OPCML: variants seen among roughly 807,000 people sequenced by gnomAD.
OPCML encodes the protein opioid binding protein/cell adhesion molecule like.
Under a neutral mutation model 37.8 loss-of-function variants are expected in OPCML, and 13 were observed. The observed-to-expected ratio is 0.34, with a 90% CI of 0.22 to 0.55. OPCML has a LOEUF of 0.55. OPCML is among the 20% of genes least tolerant of loss of function. The probability of loss-of-function intolerance (pLI) is 0.91; values close to 1 mark genes in which losing one functional copy is unlikely to be tolerated. For synonymous variants in OPCML, 176 were observed against 168.8 expected, an observed-to-expected ratio of 1.04 and a Z score of -0.33; for missense variants, 341 against 435.6, an observed-to-expected ratio of 0.78 and a Z score of 1.93.
intron 2 of OPCML, among the ~76,000 whole-genome samples, chr11:132,710,795 C>T (rs145748743): frequency 4.6e-5 from 7 of 151,710 alleles, no homozygotes; most frequent in South Asian, 4.2e-4. Flanking sequence ...GTGGAGGTTG[C>T]GGTGAGCTGA....
intron 4 of OPCML, among the ~76,000 whole-genome samples, chr11:132,523,118 G>A (rs994846774): frequency 2.0e-5 from 3 of 152,194 alleles, no homozygotes; most frequent in Non-Finnish European, 4.4e-5. Flanking sequence ...TGCTGGCCAA[G>A]CTGATCTTGA....
At chr11:132,810,139 A>G (rs1002060101) in intron 2 of OPCML, among the ~76,000 whole-genome samples, 12 of 151,908 alleles carry the variant, frequency 7.9e-5, no homozygotes, top group African/African-American at 1.2e-4. Context: ...GTGAGCCACC[A>G]CACCCAGCCT....
intron 3 of OPCML, among the ~76,000 whole-genome samples, chr11:132,539,612 G>A (rs1440904529): frequency 1.3e-5 from 2 of 152,084 alleles, no homozygotes; most frequent in Admixed American, 1.3e-4. Flanking sequence ...TGATGATGGT[G>A]ATAGTGATAA....
At chr11:132,869,982 T>C (rs949533891) in intron 2 of OPCML, among the ~76,000 whole-genome samples, 1 of 152,162 alleles carries the variant, frequency 6.6e-6, no homozygotes, top group African/African-American at 2.4e-5. Flanking sequence ...AGTGTAGAAA[T>C]CATAATTATT....
chr11:132,667,827 T>C (rs879536563), intron 2 of OPCML, among the ~76,000 whole-genome samples: 6 of 152,242 alleles, frequency 3.9e-5, no homozygotes, highest in Non-Finnish European at 7.3e-5. Context: ...GTGGGACTTA[T>C]AGGCTATGTT....
At chr11:132,816,684 A>G (rs899258789) in intron 2 of OPCML, among the ~76,000 whole-genome samples, 4 of 152,152 alleles carry the variant, frequency 2.6e-5, no homozygotes, top group African/African-American at 9.7e-5. Flanking sequence ...GAGTTCTGAG[A>G]GAGTTTTTGG....
rs574988835 is a variant in OPCML, at chr11:133,010,244, A to G, written c.62-67234T>C. Among the ~76,000 whole-genome samples the G allele has an allele frequency of 1.7e-4, 26 of 152,242 alleles. No individual in the cohort carries two copies. In the East Asian group the frequency reaches 3.9e-3, roughly 23 times the overall value. ...CCTTCTTTCTGCTCTTGCTGTGGCA[A>G]TCTACAAGAGGGCTGCCAGGGATCA... On this transcript the variant is annotated intron_variant, in intron 1 of 7. Transcript: ENST00000524381.
Position 133,126,668 on chromosome 11 carries a change from G to A in OPCML, c.62-183658C>T, listed in dbSNP as rs1592026664. On this transcript the variant is annotated intron_variant, in intron 1 of 7. Transcript: ENST00000524381. ...ACTCCTTCTGCCCAATCCCATATAA[G>A]CAGCCACTATTGATGTGTATCTTTC... 1.3e-5 allele frequency among the ~76,000 whole-genome samples: 2 copies of A among 152,048 alleles called. 1 individual carries two copies. The highest frequency in any genetic ancestry group is 2.9e-5 in the Non-Finnish European group (2 of 68,004).
intron 1 of OPCML, among the ~76,000 whole-genome samples, chr11:133,238,590 T>C (rs1301355422): frequency 6.6e-6 from 1 of 152,092 alleles, no homozygotes; most frequent in Non-Finnish European, 1.5e-5. Flanking sequence ...TGTGCTCCAG[T>C]GTCCTACCCA....
At chr11:133,044,012 T>C (rs76065670) in intron 1 of OPCML, among the ~76,000 whole-genome samples, 5 of 152,354 alleles carry the variant, frequency 3.3e-5, no homozygotes, top group Non-Finnish European at 5.9e-5. Context: ...TTGTGGCAGA[T>C]GCTGACATAT....
chr11:133,104,687 A>C (rs972512316), intron 1 of OPCML, among the ~76,000 whole-genome samples: 1 of 152,226 alleles, frequency 6.6e-6, no homozygotes, highest in Non-Finnish European at 1.5e-5. Context: ...TCTGGTGAAA[A>C]GGGCCTATAA....
At chr11:133,182,248 T>C (rs1277291816) in intron 1 of OPCML, among the ~76,000 whole-genome samples, 1 of 152,224 alleles carries the variant, frequency 6.6e-6, no homozygotes, top group Non-Finnish European at 1.5e-5. Flanking sequence ...GCTAATCTCT[T>C]GTAGCTGAAA....
rs555337218 is a variant in OPCML, at chr11:133,283,955, A to G, written c.61+248309T>C. 1.3e-3 allele frequency among the ~76,000 whole-genome samples: 194 copies of G among 152,056 alleles called. 1 individual carries two copies. The highest frequency in any genetic ancestry group is 4.5e-3 in the African/African-American group (186 of 41,400). ...ACTCTCCTGGATCGCTTCCCCCCCC[A>G]GTACCTAAAAGTCAAGCCCTAAAAC... is the stretch of plus-strand genomic sequence containing the variant. On this transcript the variant is annotated intron_variant, in intron 1 of 7. Coordinates refer to ENST00000524381, the MANE Select transcript of OPCML (RefSeq NM_001012393.5).
chr11:133,509,883 T>C (rs1211870757), intron 1 of OPCML, among the ~76,000 whole-genome samples: 4 of 152,146 alleles, frequency 2.6e-5, no homozygotes. Flanking sequence ...AGGCACCACC[T>C]CTGGGGTGTC....
intron 1 of OPCML, among the ~76,000 whole-genome samples, chr11:133,354,932 A>G (rs1011654036): frequency 2.6e-5 from 4 of 152,224 alleles, no homozygotes; most frequent in African/African-American, 9.6e-5. Flanking sequence ...ACTTTTAGGC[A>G]TCTGTAAAGA....
chr11:132,872,929 T>A (rs147661066), intron 2 of OPCML, among the ~76,000 whole-genome samples: 1 of 152,072 alleles, frequency 6.6e-6, no homozygotes, highest in Non-Finnish European at 1.5e-5. Context: ...TTCTTTCTTT[T>A]TTTTTTTCTG....
At chr11:133,397,173 G>A (rs572121320) in intron 1 of OPCML, among the ~76,000 whole-genome samples, 1 of 152,332 alleles carries the variant, frequency 6.6e-6, no homozygotes, top group East Asian at 1.9e-4. Context: ...TGAGTGGAGA[G>A]GGGATAAAAA....
At chr11:133,420,665 T>C in intron 1 of OPCML, 1 of 985,430 alleles carries the variant, frequency 1.0e-6, no homozygotes, top group Non-Finnish European at 1.2e-6. Context: ...TTGATTCTAA[T>C]CAGGAAGTTG....
At position 132,649,440 on chromosome 11, in the gene OPCML, G is replaced by A. The variant is rs752077719; in HGVS notation, c.379+7647C>T. ...TGAGAAACACAGTAGTCTGAGAGCC[G>A]GGATAGGACCACGGCATGGTGGGGT... On this transcript the variant is annotated intron_variant, in intron 3 of 7. Transcript: ENST00000524381. Among the ~76,000 whole-genome samples the A allele has an allele frequency of 2.2e-4, 33 of 152,124 alleles. 1 individual carries two copies. The highest frequency in any genetic ancestry group is 3.7e-4 in the Non-Finnish European group (25 of 68,030).
Sources: gnomAD v4.1 joint callset for allele counts (sites outside exome capture counted in the v4.1 genomes callset) on GRCh38, gnomAD v4.1.1 for gene constraint, MANE v1.5 for transcripts, NCBI Gene and HGNC (gene_info 2026-07-23, HGNC 2026-07-21) for gene names.